Variants in CASP9 observed in about 807,000 individuals in gnomAD.
CASP9 encodes the protein caspase 9.
In CASP9, 29 loss-of-function variants were observed where a neutral mutation model predicts 43.5. The ratio of observed to expected loss-of-function variants is 0.67; its 90% CI spans 0.50 to 0.91. CASP9 has a LOEUF of 0.91. Ranked by LOEUF, CASP9 falls within the 40% of genes least tolerant of loss-of-function variation. The probability of loss-of-function intolerance (pLI) is 0.00; values close to 1 mark genes in which losing one functional copy is unlikely to be tolerated. For missense variants in CASP9, 575 were observed against 537.4 expected (o/e 1.07, Z -0.69); for synonymous variants, 206 against 211.9 (o/e 0.97, Z 0.24).
At chr1:15,523,891 GCTGA>G (rs4645986) in intron 1 of CASP9, among the ~76,000 whole-genome samples, 174 bp downstream of exon 1, 41,908 of 151,744 alleles carry the variant, frequency 0.28, 6,627 homozygotes, top group African/African-American at 0.43. Flanking sequence ...AACAGTGTAC[GCTGA>G]CTGAGTATGG....
At chr1:15,494,107 C>T in intron 7 of CASP9, 106 bp from the exon 8 acceptor site, 1 of 1,385,054 alleles carries the variant, frequency 7.2e-7, no homozygotes, top group Non-Finnish European at 9.8e-7. Context: ...CAGACCTTGA[C>T]TCATACATAC....
intron 2 of CASP9, among the ~76,000 whole-genome samples, chr1:15,509,317 G>T (rs1709645399): frequency 6.6e-6 from 1 of 152,068 alleles, no homozygotes; most frequent in Non-Finnish European, 1.5e-5. Context: ...CGCAATGCGG[G>T]ATAACCTTGA....
At chr1:15,518,926 G>A (rs781568504) in intron 1 of CASP9, among the ~76,000 whole-genome samples, 32 of 151,640 alleles carry the variant, frequency 2.1e-4, no homozygotes, top group Non-Finnish European at 3.8e-4. Flanking sequence ...CCAGGCTAGA[G>A]TGTACTGGTG....
intron 3 of CASP9, 27 bp downstream of exon 3, chr1:15,507,846 A>G: frequency 6.2e-7 from 1 of 1,611,260 alleles, no homozygotes; most frequent in South Asian, 1.1e-5. Flanking sequence ...AGCCCGAGCT[A>G]CTGGCCCAAA....
At chr1:15,522,654 G>A (rs1360492253) in intron 1 of CASP9, among the ~76,000 whole-genome samples, 5 of 152,212 alleles carry the variant, frequency 3.3e-5, no homozygotes, top group Admixed American at 6.5e-5. Context: ...GGTCAAGGTC[G>A]CAGTGAGCCA....
At chr1:15,505,359 T>C (rs931199140) in intron 5 of CASP9, among the ~76,000 whole-genome samples, 1 of 152,232 alleles carries the variant, frequency 6.6e-6, no homozygotes, top group Non-Finnish European at 1.5e-5. Flanking sequence ...GCTGGAGTTT[T>C]ACTGGCTGAA....
At chr1:15,498,295 TC>T (rs1409661607) in intron 6 of CASP9, among the ~76,000 whole-genome samples, 1 of 151,954 alleles carries the variant, frequency 6.6e-6, no homozygotes, top group African/African-American at 2.4e-5. Context: ...CCCGGGCTGG[TC>T]TCAAACTCCT....
At chr1:15,499,391 C>T (rs1278991799) in intron 6 of CASP9, among the ~76,000 whole-genome samples, 1 of 152,214 alleles carries the variant, frequency 6.6e-6, no homozygotes, top group East Asian at 1.9e-4. Flanking sequence ...TTTCTTCTCT[C>T]CTTGTGTTCC....
chr1:15,494,567 A>G (rs1281018559), intron 7 of CASP9, among the ~76,000 whole-genome samples: 1 of 149,444 alleles, frequency 6.7e-6, no homozygotes, highest in East Asian at 2.0e-4. Context: ...TCCGTCTCAA[A>G]AAAAAAAAAA....
At chr1:15,495,012 A>G (rs903383482) in intron 7 of CASP9, among the ~76,000 whole-genome samples, 1 of 152,020 alleles carries the variant, frequency 6.6e-6, no homozygotes, top group Non-Finnish European at 1.5e-5. Context: ...CCTGCTAAAG[A>G]TGCGAAGGCA....
chr1:15,524,348 G>C (rs1175215086), upstream of CASP9: 8 of 1,396,344 alleles, frequency 5.7e-6, no homozygotes, highest in Admixed American at 3.6e-5. Context: ...GCCTCCGGAC[G>C]CATCTCCAAG....
chr1:15,520,705 G>A (rs1710153758), intron 1 of CASP9, among the ~76,000 whole-genome samples: 1 of 152,234 alleles, frequency 6.6e-6, no homozygotes, highest in Admixed American at 6.5e-5. Context: ...TGTAATCCCA[G>A]CACTTTGGGA....
chr1:15,503,206 G>A (rs912578366), intron 6 of CASP9, among the ~76,000 whole-genome samples: 15 of 152,126 alleles, frequency 9.9e-5, no homozygotes, highest in Non-Finnish European at 1.8e-4. Flanking sequence ...GGGCAACATG[G>A]CAAAACCCTG....
chr1:15,495,909 A>G (rs4646087), intron 6 of CASP9, among the ~76,000 whole-genome samples: 41,595 of 152,130 alleles, frequency 0.27, 6,513 homozygotes, highest in African/African-American at 0.42. Context: ...ATGTTACCTT[A>G]CGTAAAAATG....
rs1708892135 is a variant in CASP9 at position 15,491,403 on chromosome 1, T to G, written c.*1540A>C. ...AAGTGACAACTATGCAAATCACATC[T>G]TGATGAGGGTTTTATTATTATTATT... is the stretch of plus-strand genomic sequence containing the variant. On this transcript the variant is annotated 3_prime_UTR_variant, in exon 9 of 9. Transcript: ENST00000333868. The G allele has an allele frequency of 6.7e-7, 1 of 1,483,878 alleles. No individual in the cohort carries two copies. Among genetic ancestry groups the G allele is most frequent in the Admixed American group, 1.7e-5 (1 of 59,068 alleles). 91.9% of individuals were successfully genotyped at this position (1,483,878 alleles called of 1,614,324 possible). A position where few individuals can be genotyped will look rare whatever the true frequency, so the allele number is the denominator to read the frequency against.
chr1:15,519,559 T>C (rs979850546), intron 1 of CASP9, among the ~76,000 whole-genome samples: 3 of 151,102 alleles, frequency 2.0e-5, no homozygotes, highest in African/African-American at 7.3e-5. Context: ...GGGTGAAAAA[T>C]GGAAAGGAGT....
rs1218849159 is a variant in CASP9 at position 15,498,742 on chromosome 1, CTTTTTTTTTT to C, written c.869-3300_869-3291del. Among the ~76,000 whole-genome samples the C allele has an allele frequency of 1.3e-4, 11 of 83,530 alleles. No homozygotes were observed. The Middle Eastern group carries it at 0.04, about 304-fold the overall frequency. 54.8% of individuals were successfully genotyped at this position (83,530 alleles called of 152,430 possible). On this transcript the variant is annotated intron_variant, in intron 6 of 8. Transcript: ENST00000333868. ...AGATTCCATGGATCTTGAAAGTGATCTTTTTTTTTTTTTTTTTTTTTTTTTGAGACAGAGT... is the reference window on the plus strand; with the variant it reads ...AGATTCCATGGATCTTGAAAGTGATCTTTTTTTTTTTTTTTGAGACAGAGT...
At chr1:15,524,603 C>A, upstream of CASP9, 4 of 806,630 alleles carry the variant, frequency 5.0e-6, no homozygotes, top group Non-Finnish European at 5.7e-6. Context: ...CGCCCCGCCC[C>A]CGCGTTACCG....
At chr1:15,512,150 G>T (rs1709778216) in intron 2 of CASP9, among the ~76,000 whole-genome samples, 1 of 152,208 alleles carries the variant, frequency 6.6e-6, no homozygotes, top group African/African-American at 2.4e-5. Flanking sequence ...AAGAAGCCAG[G>T]TAGGGCTGAA....
Sources: allele counts gnomAD v4.1 joint callset (sites outside exome capture counted in the v4.1 genomes callset), GRCh38; gene constraint gnomAD v4.1.1; transcripts MANE v1.5; gene names NCBI Gene and HGNC (gene_info 2026-07-23, HGNC 2026-07-21).